The following ATF1 variants were observed in gnomAD, a reference collection of about 807,000 sequenced individuals.
The protein encoded by ATF1 is activating transcription factor 1.
A neutral mutation model predicts 34.7 loss-of-function variants in ATF1; 16 were observed. The observed-to-expected ratio is 0.46, with a 90% CI of 0.31 to 0.70. The LOEUF (loss-of-function observed/expected upper bound fraction) is 0.70. ATF1 is among the 30% of genes least tolerant of loss of function. The pLI, the probability that ATF1 is intolerant of heterozygous loss-of-function variation, is 0.05. For synonymous variants in ATF1, 105 were observed against 113.1 expected (o/e 0.93, Z 0.46); for missense variants, 255 against 321.6 (o/e 0.79, Z 1.58).
chr12:50,810,337 C>T (rs1275904167), intron 4 of ATF1, among the ~76,000 whole-genome samples: 2 of 151,324 alleles, frequency 1.3e-5, no homozygotes, highest in Non-Finnish European at 2.9e-5. Context: ...CCTGCCTCAG[C>T]CTCCCAAGTA....
At chr12:50,770,211 C>T (rs1168663091) in intron 1 of ATF1, among the ~76,000 whole-genome samples, 2 of 152,208 alleles carry the variant, frequency 1.3e-5, no homozygotes, top group African/African-American at 4.8e-5. Flanking sequence ...CAATAAGAAT[C>T]TGTTTTCTTT....
chr12:50,773,444 C>CTTTTTTTTT (rs71086476), intron 1 of ATF1, among the ~76,000 whole-genome samples: 1 of 89,586 alleles, frequency 1.1e-5, no homozygotes, highest in Non-Finnish European at 2.0e-5. Context: ...AATTGCCATT[C>CTTTTTTTTT]TTTTTTTTTT....
Position 50,810,972 on chromosome 12 carries a change from G to A in ATF1, c.328+1383G>A, listed in dbSNP as rs528761612. ...TTTTATCACACTTAGAATAAAATCC[G>A]GATCTTACAAGGCATTACATTTAGG... On this transcript the variant is annotated intron_variant, in intron 4 of 6. Coordinates refer to ENST00000262053, the MANE Select transcript of ATF1 (RefSeq NM_005171.5). Among the ~76,000 whole-genome samples the A allele has an allele frequency of 1.4e-4, 21 of 151,886 alleles. No individual in the cohort carries two copies. In the East Asian group the frequency reaches 3.7e-3, roughly 27 times the overall value.
intron 3 of ATF1, among the ~76,000 whole-genome samples, chr12:50,803,114 A>G (rs983875182): frequency 1.3e-4 from 19 of 151,128 alleles, no homozygotes; most frequent in Non-Finnish European, 2.7e-4. Context: ...AAAAAAATAC[A>G]AAAAATTAGT....
intron 1 of ATF1, among the ~76,000 whole-genome samples, chr12:50,766,258 C>T (rs972345851): frequency 6.6e-5 from 10 of 152,098 alleles, no homozygotes; most frequent in Non-Finnish European, 1.5e-4. Context: ...GTTCGAGGCC[C>T]CTCTTAATAA....
intron 1 of ATF1, among the ~76,000 whole-genome samples, chr12:50,771,486 A>G (rs1212406766): frequency 1.3e-5 from 2 of 152,114 alleles, no homozygotes; most frequent in African/African-American, 4.8e-5. Flanking sequence ...CCTGAATGCA[A>G]GAGACCCTCA....
chr12:50,778,099 A>G (rs1168291481), intron 1 of ATF1, among the ~76,000 whole-genome samples: 1 of 151,762 alleles, frequency 6.6e-6, no homozygotes, highest in Non-Finnish European at 1.5e-5. Flanking sequence ...TATTTTTTGT[A>G]GAGACGGGCT....
At chr12:50,786,157 A>G in intron 2 of ATF1, among the ~76,000 whole-genome samples, 1 of 152,192 alleles carries the variant, frequency 6.6e-6, no homozygotes, top group African/African-American at 2.4e-5. Context: ...CTAGAAATCT[A>G]AATTTAGGAG....
At chr12:50,775,358 G>A (rs1478194648) in intron 1 of ATF1, among the ~76,000 whole-genome samples, 1 of 151,884 alleles carries the variant, frequency 6.6e-6, no homozygotes, top group Non-Finnish European at 1.5e-5. Flanking sequence ...TCTATTAGAA[G>A]TAGGAATGTA....
intron 2 of ATF1, among the ~76,000 whole-genome samples, chr12:50,787,312 A>G (rs1941205627): frequency 6.6e-6 from 1 of 152,222 alleles, no homozygotes; most frequent in South Asian, 2.1e-4. Context: ...TGGAACTATC[A>G]GAGAGTGAAT....
rs1941934603 is a variant in ATF1, at chr12:50,820,764, G to A, written c.*985G>A. On this transcript the variant is annotated 3_prime_UTR_variant, in exon 7 of 7. Transcript: ENST00000262053. Reference sequence around the variant, plus strand: ...GCAATTTTATGTTAGAGACTATTTTGTAATGTAGTGAGTGGTACCTTTATA... The same window carrying A: ...GCAATTTTATGTTAGAGACTATTTTATAATGTAGTGAGTGGTACCTTTATA... The A allele has an allele frequency of 5.6e-6, 1 of 179,424 alleles. No individual in the cohort carries two copies. The highest frequency in any genetic ancestry group is 2.4e-5 in the African/African-American group (1 of 42,380). The allele number at this position is 179,424 out of a possible 1,614,324, so 11.1% of individuals were successfully genotyped here.
intron 2 of ATF1, among the ~76,000 whole-genome samples, chr12:50,785,123 A>G (rs140223738): frequency 0.018 from 2,695 of 149,910 alleles, 45 homozygotes; most frequent in Middle Eastern, 0.09. Flanking sequence ...AGCAACTGTT[A>G]AGAATGAAAT....
intron 1 of ATF1, among the ~76,000 whole-genome samples, chr12:50,769,270 C>T (rs1367204295): frequency 2.0e-5 from 3 of 152,008 alleles, no homozygotes; most frequent in Admixed American, 6.6e-5. Flanking sequence ...TTAGGGAGGT[C>T]GAGGCAGATG....
Position 50,819,917 on chromosome 12 carries a change from G to C in ATF1, c.*138G>C. 1 of 706,136 alleles carries C rather than the reference G, an allele frequency of 1.4e-6. No homozygotes were observed. Among genetic ancestry groups the C allele is most frequent in the South Asian group, 2.4e-5 (1 of 41,618 alleles). 43.7% of individuals were successfully genotyped at this position (706,136 alleles called of 1,614,324 possible). A position where few individuals can be genotyped will look rare whatever the true frequency, so the allele number is the denominator to read the frequency against. On this transcript the variant is annotated 3_prime_UTR_variant, in exon 7 of 7. Coordinates refer to ENST00000262053, the MANE Select transcript of ATF1 (RefSeq NM_005171.5). ...AATCAAGGATAAATATCTTACGCAC[G>C]ATATCTAGTGACAGAGGAGAAAGTG... is the stretch of plus-strand genomic sequence containing the variant.
chr12:50,793,859 T>C (rs1937370624), intron 2 of ATF1, among the ~76,000 whole-genome samples: 1 of 152,124 alleles, frequency 6.6e-6, no homozygotes, highest in South Asian at 2.1e-4. Context: ...CTAAATAGTT[T>C]AGGGGAAGGC....
chr12:50,777,620 AC>A (rs140167881), intron 1 of ATF1, among the ~76,000 whole-genome samples: 1,731 of 150,214 alleles, frequency 0.012, 28 homozygotes, highest in African/African-American at 0.037. Flanking sequence ...TACAGAAAAG[AC>A]CCCCCCCAAA....
chr12:50,790,120 G>A (rs554781482), intron 2 of ATF1, among the ~76,000 whole-genome samples: 1 of 152,112 alleles, frequency 6.6e-6, no homozygotes, highest in African/African-American at 2.4e-5. Context: ...GTTATTGAAA[G>A]GTGGGGAGAC....
chr12:50,805,565 A>G (rs1440646529), intron 3 of ATF1, among the ~76,000 whole-genome samples: 1 of 151,512 alleles, frequency 6.6e-6, no homozygotes, highest in Non-Finnish European at 1.5e-5. Flanking sequence ...CTGTCTCAAA[A>G]AAAAAAAAAA....
intron 3 of ATF1, among the ~76,000 whole-genome samples, chr12:50,799,230 C>T (rs7304335): frequency 6.6e-6 from 1 of 151,820 alleles, no homozygotes; most frequent in Non-Finnish European, 1.5e-5. Flanking sequence ...ACAAAAAATA[C>T]AAAAATTAGC....
Sources: gnomAD v4.1 joint callset for allele counts (sites outside exome capture counted in the v4.1 genomes callset) on GRCh38, gnomAD v4.1.1 for gene constraint, MANE v1.5 for transcripts, NCBI Gene and HGNC (gene_info 2026-07-23, HGNC 2026-07-21) for gene names.